PELI1: variants seen among roughly 807,000 people sequenced by gnomAD.
PELI1 encodes the protein E3 ubiquitin-protein ligase pellino homolog 1.
A neutral mutation model predicts 41.3 loss-of-function variants in PELI1; 15 were observed. The observed-to-expected ratio is 0.36, with a 90% CI of 0.24 to 0.56. The LOEUF (loss-of-function observed/expected upper bound fraction) is 0.56. Among genes scored for constraint, PELI1 ranks in the 20% least tolerant of loss-of-function variants. The pLI, the probability that PELI1 is intolerant of heterozygous loss-of-function variation, is 0.82. For synonymous variants in PELI1, 178 were observed against 180.1 expected, an observed-to-expected ratio of 0.99 and a Z score of 0.09; for missense variants, 403 against 525.5, an observed-to-expected ratio of 0.77 and a Z score of 2.28.
At chr2:64,105,564 T>C (rs1306617279) in intron 2 of PELI1, among the ~76,000 whole-genome samples, 1 of 152,204 alleles carries the variant, frequency 6.6e-6, no homozygotes, top group Non-Finnish European at 1.5e-5. Flanking sequence ...TGCTATCCCA[T>C]ACACATCACC....
Position 64,095,298 on chromosome 2 carries a change from T to TCAC in PELI1, c.691-33_691-31dup, listed in dbSNP as rs1376348462. On this transcript the variant is annotated intron_variant, in intron 6 of 6. Transcript: ENST00000358912. ...AGGAGACAAGAGTTGAAAAACATAT[T>TCAC]CACCACTCTGTTTTGGATTTTTACA... 4.0e-6 allele frequency: 6 copies of TCAC among 1,498,712 alleles called. No homozygotes were observed. In the Admixed American group the frequency reaches 6.8e-5, roughly 17 times the overall value. The allele number at this position is 1,498,712 out of a possible 1,614,324, so 92.8% of individuals were successfully genotyped here.
chr2:64,115,244 C>T (rs79758981), intron 1 of PELI1, among the ~76,000 whole-genome samples: 2 of 152,164 alleles, frequency 1.3e-5, no homozygotes, highest in East Asian at 1.9e-4. Flanking sequence ...GCTGGGTAGC[C>T]TGCTGTTTAG....
intron 1 of PELI1, among the ~76,000 whole-genome samples, chr2:64,125,415 C>T (rs1056970773): frequency 1.3e-5 from 2 of 152,136 alleles, no homozygotes; most frequent in Admixed American, 6.5e-5. Flanking sequence ...AGGAAGACAG[C>T]GTGGTAGAAA....
Position 64,093,969 on chromosome 2 carries a change from A to G in PELI1, c.*733T>C, listed in dbSNP as rs1316361670. The G allele has an allele frequency of 6.6e-6, 1 of 152,664 alleles. No individual in the cohort carries two copies. The highest frequency in any genetic ancestry group is 1.5e-5 in the Non-Finnish European group (1 of 68,036). 9.5% of individuals were successfully genotyped at this position (152,664 alleles called of 1,614,324 possible). A position where few individuals can be genotyped will look rare whatever the true frequency, so the allele number is the denominator to read the frequency against. On this transcript the variant is annotated 3_prime_UTR_variant, in exon 7 of 7. Coordinates refer to ENST00000358912, the MANE Select transcript of PELI1 (RefSeq NM_020651.4). ...AGCATATAAAATGTTTCTTAGCATT[A>G]AGTTTTTGTTATAGTACTACGCTCG...
At chr2:64,098,480 T>G (rs1361093917) in intron 4 of PELI1, among the ~76,000 whole-genome samples, 1 of 152,226 alleles carries the variant, frequency 6.6e-6, no homozygotes, top group Non-Finnish European at 1.5e-5. Context: ...TTGCCATCTC[T>G]TTTGCTAGAA....
At chr2:64,122,354 A>C (rs866053581) in intron 1 of PELI1, among the ~76,000 whole-genome samples, 9 of 150,918 alleles carry the variant, frequency 6.0e-5, no homozygotes, top group Non-Finnish European at 1.3e-4. Flanking sequence ...AAAAAAAAAA[A>C]AAAAAAACTC....
At chr2:64,126,997 T>C (rs1357094421) in intron 1 of PELI1, among the ~76,000 whole-genome samples, 1 of 152,132 alleles carries the variant, frequency 6.6e-6, no homozygotes, top group Non-Finnish European at 1.5e-5. Flanking sequence ...TGTTAGGAAG[T>C]GCTGAATCAA....
At chr2:64,105,014 A>G (rs1213411176) in intron 2 of PELI1, among the ~76,000 whole-genome samples, 184 bp from the exon 3 acceptor site, 1 of 152,212 alleles carries the variant, frequency 6.6e-6, no homozygotes, top group Non-Finnish European at 1.5e-5. Context: ...AAACAAAATG[A>G]GATTCTTTTT....
chr2:64,096,394 T>A lies in PELI1; in HGVS notation c.501+19A>T, dbSNP rs756131704. The A allele has an allele frequency of 2.5e-6, 4 of 1,600,378 alleles. No homozygotes were observed. The South Asian group carries it at 4.4e-5, about 18-fold the overall frequency. ...AGCTAGTATAAAAGAAAGCATCATTTAGAAAAAAAGCTTTTTACCCCAAGA... is the reference window on the plus strand; with the variant it reads ...AGCTAGTATAAAAGAAAGCATCATTAAGAAAAAAAGCTTTTTACCCCAAGA... On this transcript the variant is annotated intron_variant, in intron 5 of 6. Coordinates refer to ENST00000358912, the MANE Select transcript of PELI1 (RefSeq NM_020651.4).
At chr2:64,133,926 T>C (rs570605135) in intron 1 of PELI1, among the ~76,000 whole-genome samples, 19 of 152,236 alleles carry the variant, frequency 1.2e-4, no homozygotes, top group Non-Finnish European at 2.4e-4. Flanking sequence ...GATTTTATCA[T>C]TGTGAGCAAT....
Position 64,096,201 on chromosome 2 carries a change from A to G in PELI1, c.614T>C (p.Ile205Thr), listed in dbSNP as rs1192767197. 6.2e-7 allele frequency: 1 copy of G among 1,613,864 alleles called. No homozygotes were observed. Among genetic ancestry groups the G allele is most frequent in the Non-Finnish European group, 8.5e-7 (1 of 1,179,924 alleles). The change falls in exon 6 of 7, where the codon ATA becomes ACA. Residue 205 changes from isoleucine to threonine, a missense_variant. By Grantham distance (89) the Ile-to-Thr change is moderately conservative. Transcript: ENST00000358912. ...TCCACACACCGATATTTCTCTCCAT[A>G]TTCCAGGCTTGGAGTCTTCTGTGAA... Reference protein sequence around the residue: ...NGFTEDSKPGIWREISVCGNV... With the variant: ...NGFTEDSKPGTWREISVCGNV...
intron 3 of PELI1, among the ~76,000 whole-genome samples, chr2:64,102,015 C>A (rs961356554): frequency 6.6e-6 from 1 of 151,792 alleles, no homozygotes; most frequent in South Asian, 2.1e-4. Context: ...TTAGTAGAGA[C>A]GGGGTTTTGC....
intron 1 of PELI1, among the ~76,000 whole-genome samples, chr2:64,130,303 T>C (rs1162228060): frequency 6.6e-6 from 1 of 152,212 alleles, no homozygotes; most frequent in Non-Finnish European, 1.5e-5. Context: ...TATGCTACGT[T>C]CATATATCAG....
At chr2:64,112,250 T>C (rs1259184691) in intron 1 of PELI1, among the ~76,000 whole-genome samples, 1 of 152,208 alleles carries the variant, frequency 6.6e-6, no homozygotes, top group Admixed American at 6.5e-5. Flanking sequence ...TGTGTTCTAG[T>C]TCTAGCTGTC....
rs557193619 is a variant in PELI1, at chr2:64,107,087, C to T, written c.71+1153G>A. Among the ~76,000 whole-genome samples, 3 of 152,044 alleles carry T rather than the reference C, an allele frequency of 2.0e-5. No homozygotes were observed. In the South Asian group the frequency reaches 6.2e-4, roughly 32 times the overall value. ...GGGATTACAGACATGCACTATCATGCCCAGCTAATTTTTGTATTTTTAGTG... is the reference window on the plus strand; with the variant it reads ...GGGATTACAGACATGCACTATCATGTCCAGCTAATTTTTGTATTTTTAGTG... On this transcript the variant is annotated intron_variant, in intron 2 of 6. Coordinates refer to ENST00000358912, the MANE Select transcript of PELI1 (RefSeq NM_020651.4).
At chr2:64,101,498 T>C (rs1169069048) in intron 3 of PELI1, among the ~76,000 whole-genome samples, 1 of 152,066 alleles carries the variant, frequency 6.6e-6, no homozygotes, top group Non-Finnish European at 1.5e-5. Flanking sequence ...TTGAAGATAA[T>C]ATCAAAGGAG....
intron 2 of PELI1, among the ~76,000 whole-genome samples, chr2:64,105,254 CCAAA>C (rs753787203): frequency 2.0e-5 from 3 of 152,066 alleles, no homozygotes; most frequent in East Asian, 3.8e-4. Flanking sequence ...TAATTGTGAA[CCAAA>C]CACTTTAAAT....
intron 1 of PELI1, among the ~76,000 whole-genome samples, chr2:64,133,050 A>G (rs1681603798): frequency 6.6e-6 from 1 of 152,186 alleles, no homozygotes; most frequent in Non-Finnish European, 1.5e-5. Context: ...TAGAATTCCT[A>G]TGTCTTCATC....
chr2:64,136,189 T>A (rs1176213296), intron 1 of PELI1, among the ~76,000 whole-genome samples: 4 of 151,856 alleles, frequency 2.6e-5, no homozygotes, highest in Non-Finnish European at 4.4e-5. Flanking sequence ...GAAAAACCAC[T>A]GCCACTTTTT....
Sources: gnomAD v4.1 joint callset for allele counts (sites outside exome capture counted in the v4.1 genomes callset) on GRCh38, gnomAD v4.1.1 for gene constraint, MANE v1.5 for transcripts, NCBI Gene and HGNC (gene_info 2026-07-23, HGNC 2026-07-21) for gene names.